PDE10A: variants seen among roughly 807,000 people sequenced by gnomAD.
The protein encoded by PDE10A is phosphodiesterase 10A.
PDE10A carries 39 observed loss-of-function variants against 97.7 expected under a neutral mutation model. That is an observed-to-expected ratio of 0.40 (90% CI 0.31 to 0.52). The LOEUF (loss-of-function observed/expected upper bound fraction) is 0.52, where lower values mean the gene tolerates loss of function less well. Among genes scored for constraint, PDE10A ranks in the 20% least tolerant of loss-of-function variants. The pLI, the probability that PDE10A is intolerant of heterozygous loss-of-function variation, is 0.56. For missense variants in PDE10A, 731 were observed against 1,047.8 expected, an observed-to-expected ratio of 0.70 and a Z score of 4.17; for synonymous variants, 371 against 376.8, an observed-to-expected ratio of 0.98 and a Z score of 0.18.
chr6:165,723,849 G>T (rs898675275), intron 1 of PDE10A, among the ~76,000 whole-genome samples: 5 of 149,330 alleles, frequency 3.3e-5, no homozygotes, highest in South Asian at 2.1e-4. Flanking sequence ...AGATAAAGGT[G>T]TTTTTTTTTT....
Position 165,430,191 on chromosome 6 carries a change from C to G in PDE10A, c.1601+96G>C, listed in dbSNP as rs1583269729. 2.7e-5 allele frequency: 21 copies of G among 771,040 alleles called. No individual in the cohort carries two copies. In the East Asian group the frequency reaches 5.3e-4, roughly 19 times the overall value. 47.8% of individuals were successfully genotyped at this position (771,040 alleles called of 1,614,324 possible). The stretch of plus-strand genomic sequence containing the variant: ...CTTGTAAAGACGGATCTTCAGTTAT[C>G]AGCTGCAATAGACAATGGTCTATTT... On this transcript the variant is annotated intron_variant, in intron 9 of 21. Coordinates refer to ENST00000539869, the MANE Select transcript of PDE10A (RefSeq NM_001385079.1).
chr6:165,596,734 C>T (rs544182099), intron 1 of PDE10A, among the ~76,000 whole-genome samples: 8 of 151,908 alleles, frequency 5.3e-5, no homozygotes, highest in Non-Finnish European at 8.8e-5. Flanking sequence ...GTCACACACA[C>T]ACAAAAAAAA....
In PDE10A at chr6:165,413,632, C is replaced by T. The variant is rs761944490; in HGVS notation, c.1945G>A (p.Val649Ile). Residue 649 changes from valine to isoleucine, a missense_variant, in exon 13 of 22, where the codon GTC becomes ATC. Val to Ile is a conservative substitution (Grantham distance 29, BLOSUM62 3). This residue lies in a region of PDE10A where 108 missense variants were observed against 199.8 expected (regional missense o/e 0.54). Coordinates refer to ENST00000539869, the MANE Select transcript of PDE10A (RefSeq NM_001385079.1). ...TTRNILCMPI[V>I]SRGSVIGVVQ... ...ACACCTATCACGCTGCCTCGGCTGACGATGGGCATGCACAGGATGTTCCGC... is the reference window on the plus strand; with the variant it reads ...ACACCTATCACGCTGCCTCGGCTGATGATGGGCATGCACAGGATGTTCCGC... 3.7e-6 allele frequency: 6 copies of T among 1,614,040 alleles called. No individual in the cohort carries two copies. Among genetic ancestry groups the T allele is most frequent in the East Asian group, 2.2e-5 (1 of 44,890 alleles).
At chr6:165,619,887 T>C (rs1244757524) in intron 1 of PDE10A, among the ~76,000 whole-genome samples, 1 of 152,048 alleles carries the variant, frequency 6.6e-6, no homozygotes. Flanking sequence ...CCATTTATAA[T>C]GGCTACATGA....
intron 1 of PDE10A, among the ~76,000 whole-genome samples, chr6:165,882,586 C>T (rs753207120): frequency 7.2e-5 from 11 of 152,136 alleles, no homozygotes; most frequent in Non-Finnish European, 1.2e-4. Flanking sequence ...GTAGACTCAA[C>T]GGTGTTTTGC....
At chr6:165,376,922 AAGG>A (rs1312867458) in intron 18 of PDE10A, among the ~76,000 whole-genome samples, 1 of 152,132 alleles carries the variant, frequency 6.6e-6, no homozygotes, top group African/African-American at 2.4e-5. Flanking sequence ...TTTAAAAAAG[AAGG>A]AGAAGAAAAC....
chr6:165,439,328 T>G (rs1790266449), intron 5 of PDE10A, among the ~76,000 whole-genome samples: 1 of 152,124 alleles, frequency 6.6e-6, no homozygotes, highest in Non-Finnish European at 1.5e-5. Context: ...TATAAAAACT[T>G]TAATTAGGAC....
At chr6:165,367,893 T>C (rs1488351559) in intron 18 of PDE10A, among the ~76,000 whole-genome samples, 2 of 152,150 alleles carry the variant, frequency 1.3e-5, no homozygotes, top group Non-Finnish European at 2.9e-5. Flanking sequence ...TTATTTGGGC[T>C]CAAATGAAAT....
intron 1 of PDE10A, among the ~76,000 whole-genome samples, chr6:165,839,966 T>TCTACAACCAC (rs1562762740): frequency 1.8e-5 from 2 of 112,320 alleles, no homozygotes; most frequent in African/African-American, 6.4e-5. Context: ...TCTACATCTC[T>TCTACAACCAC]GTCTTCATCC....
rs569370216 is a variant in PDE10A at position 165,580,815 on chromosome 6, G to A, written c.866-37247C>T. ...TCTCCCACCCAATGAGAAAGAAGAC[G>A]GTAAGTCTCCTACCCAACGAGAAAG... On this transcript the variant is annotated intron_variant, in intron 1 of 21. Transcript: ENST00000539869. 7.9e-5 allele frequency among the ~76,000 whole-genome samples: 12 copies of A among 151,722 alleles called. No homozygotes were observed. The South Asian group carries it at 2.1e-3, about 26-fold the overall frequency.
chr6:165,535,567 T>C (rs1262351462), intron 2 of PDE10A, among the ~76,000 whole-genome samples: 1 of 151,814 alleles, frequency 6.6e-6, no homozygotes, highest in African/African-American at 2.4e-5. Flanking sequence ...TTATTTTCCA[T>C]GGCTGAGTAG....
intron 1 of PDE10A, among the ~76,000 whole-genome samples, chr6:165,557,453 T>A (rs754052085): frequency 4.6e-5 from 7 of 152,210 alleles, no homozygotes; most frequent in Non-Finnish European, 1.0e-4. Context: ...TATCATTTAT[T>A]TAAAGACTTT....
intron 1 of PDE10A, among the ~76,000 whole-genome samples, chr6:165,813,252 G>A (rs1214607507): frequency 6.6e-6 from 1 of 151,450 alleles, no homozygotes; most frequent in Non-Finnish European, 1.5e-5. Flanking sequence ...AACAGGTTGT[G>A]TTTAAAAATA....
chr6:165,704,179 T>G (rs1582960099), intron 1 of PDE10A, among the ~76,000 whole-genome samples: 1 of 152,130 alleles, frequency 6.6e-6, no homozygotes, highest in South Asian at 2.1e-4. Context: ...CTGTGGGTGT[T>G]GTTGGCTGCG....
At chr6:165,531,181 T>C (rs1782755788) in intron 2 of PDE10A, among the ~76,000 whole-genome samples, 1 of 152,100 alleles carries the variant, frequency 6.6e-6, no homozygotes, top group Non-Finnish European at 1.5e-5. Flanking sequence ...CATTGTACGT[T>C]GCCCTTTCCT....
chr6:165,930,667 G>T (rs1338218420), intron 1 of PDE10A, among the ~76,000 whole-genome samples: 1 of 152,230 alleles, frequency 6.6e-6, no homozygotes, highest in Non-Finnish European at 1.5e-5. Context: ...AACGCTGGCT[G>T]TGCATGGAAG....
intron 1 of PDE10A, among the ~76,000 whole-genome samples, chr6:165,759,606 G>T (rs1793203748): frequency 6.6e-6 from 1 of 152,170 alleles, no homozygotes; most frequent in African/African-American, 2.4e-5. Context: ...GAATATTAAG[G>T]CTTAACACAC....
intron 1 of PDE10A, among the ~76,000 whole-genome samples, chr6:165,652,097 T>C (rs918285708): frequency 6.6e-6 from 1 of 152,178 alleles, no homozygotes; most frequent in Non-Finnish European, 1.5e-5. Flanking sequence ...TATTTAACCC[T>C]GAGAAGCAGA....
At chr6:165,336,397 A>G (rs887491199) in intron 20 of PDE10A, among the ~76,000 whole-genome samples, 186 bp from the exon 21 acceptor site, 1 of 152,242 alleles carries the variant, frequency 6.6e-6, no homozygotes, top group Non-Finnish European at 1.5e-5. Context: ...AAAATGCATT[A>G]AAATGGATTC....
Sources: gnomAD v4.1 joint callset for allele counts (sites outside exome capture counted in the v4.1 genomes callset) on GRCh38, gnomAD v4.1.1 for gene constraint, gnomAD v4.1.1 regional missense constraint, MANE v1.5 for transcripts, NCBI Gene and HGNC (gene_info 2026-07-23, HGNC 2026-07-21) for gene names.